The following MPDZ variants were observed in gnomAD, a reference collection of about 807,000 sequenced individuals.
The protein encoded by MPDZ is multiple PDZ domain protein.
In MPDZ, 234 loss-of-function variants were observed where a neutral mutation model predicts 239.1. That is an observed-to-expected ratio of 0.98 (90% CI 0.88 to 1.09). The LOEUF is 1.09. Among genes scored for constraint, MPDZ ranks in the 50% least tolerant of loss-of-function variants. The pLI is 0.00. For missense variants in MPDZ, 3,175 were observed against 2,510.0 expected, an observed-to-expected ratio of 1.26 and a Z score of -5.66; for synonymous variants, 1,048 against 881.3, an observed-to-expected ratio of 1.19 and a Z score of -3.35.
In MPDZ at chr9:13,247,766, G is replaced by C; in HGVS notation, c.52C>G (p.Gln18Glu). 3 of 1,612,494 alleles carry C rather than the reference G, an allele frequency of 1.9e-6. No individual in the cohort carries two copies. Among genetic ancestry groups the C allele is most frequent in the Non-Finnish European group, 1.7e-6 (2 of 1,178,748 alleles). ...TCCCCACGTTCTCGCAGCTTGGTTT[G>C]CAAGCGCTCTGCTGCATGCAGGGCC... Reference protein sequence around the residue: ...NRALHAAERLQTKLRERGDVA... With the variant: ...NRALHAAERLETKLRERGDVA... The change falls in exon 3 of 47, where the codon CAA (glutamine) becomes GAA (glutamate). Residue 18 changes from glutamine to glutamate, a missense_variant. Transcript: ENST00000319217.
chr9:13,258,659 T>G (rs577158047), intron 1 of MPDZ, among the ~76,000 whole-genome samples: 7 of 152,202 alleles, frequency 4.6e-5, no homozygotes, highest in Non-Finnish European at 1.0e-4. Context: ...CACCAAATCA[T>G]GTAGTCATCC....
chr9:13,256,506 T>C (rs1211584764), intron 1 of MPDZ, among the ~76,000 whole-genome samples: 1 of 152,196 alleles, frequency 6.6e-6, no homozygotes, highest in East Asian at 1.9e-4. Flanking sequence ...CAACTCTTCC[T>C]TTCACTTAAA....
At chr9:13,258,871 C>T (rs1275332290) in intron 1 of MPDZ, among the ~76,000 whole-genome samples, 1 of 152,090 alleles carries the variant, frequency 6.6e-6, no homozygotes, top group Non-Finnish European at 1.5e-5. Context: ...TATTAAAGAA[C>T]ATTAACTTCA....
Position 13,147,678 on chromosome 9 carries a change from C to G in MPDZ, c.3631-20G>C. On this transcript the variant is annotated intron_variant, in intron 25 of 46. Transcript: ENST00000319217. ...ATCCACCTGCAATGGAAGGCCTCAG[C>G]TTAACATTTCAAGAATCTATAGAAC... 1 of 1,574,838 alleles carries G rather than the reference C, an allele frequency of 6.3e-7. No individual in the cohort carries two copies. Among genetic ancestry groups the G allele is most frequent in the Non-Finnish European group, 8.7e-7 (1 of 1,146,058 alleles).
intron 17 of MPDZ, among the ~76,000 whole-genome samples, chr9:13,188,484 C>T (rs1954443569): frequency 6.6e-6 from 1 of 152,084 alleles, no homozygotes; most frequent in South Asian, 2.1e-4. Context: ...CGCCACTGCA[C>T]TCCAGCCTGA....
intron 11 of MPDZ, 147 bp downstream of exon 11, chr9:13,205,769 C>T (rs1005098249): frequency 7.4e-6 from 5 of 679,738 alleles, no homozygotes; most frequent in Non-Finnish European, 1.1e-5. Flanking sequence ...CACTTCTTTA[C>T]TCGCCTTGGT....
intron 19 of MPDZ, among the ~76,000 whole-genome samples, chr9:13,177,973 T>C (rs1016951113): frequency 2.6e-5 from 4 of 152,164 alleles, no homozygotes; most frequent in African/African-American, 9.7e-5. Context: ...TATGCACACT[T>C]AAAATGCTGG....
intron 12 of MPDZ, among the ~76,000 whole-genome samples, chr9:13,201,665 C>T (rs933805876): frequency 1.3e-5 from 2 of 151,968 alleles, no homozygotes; most frequent in Admixed American, 6.6e-5. Flanking sequence ...GGTCTATCTC[C>T]AAGCTCACTA....
chr9:13,201,796 A>T (rs1025901818), intron 12 of MPDZ, among the ~76,000 whole-genome samples: 1 of 152,108 alleles, frequency 6.6e-6, no homozygotes, highest in Non-Finnish European at 1.5e-5. Flanking sequence ...TAAAAGATAC[A>T]AAGATAAAAA....
At chr9:13,116,962 A>ATATG (rs1301261719) in intron 39 of MPDZ, among the ~76,000 whole-genome samples, 1 of 152,114 alleles carries the variant, frequency 6.6e-6, no homozygotes, top group Non-Finnish European at 1.5e-5. Flanking sequence ...ATAGGGGGGA[A>ATATG]TATGTTCTAA....
intron 3 of MPDZ, among the ~76,000 whole-genome samples, chr9:13,244,667 C>G (rs555845233): frequency 6.6e-6 from 1 of 152,262 alleles, no homozygotes; most frequent in South Asian, 2.1e-4. Context: ...ACACACCTGT[C>G]AAGTGTTTAA....
chr9:13,122,326 T>TAAC (rs1441168359), intron 36 of MPDZ, among the ~76,000 whole-genome samples, 156 bp from the exon 37 acceptor site: 1 of 152,132 alleles, frequency 6.6e-6, no homozygotes, highest in Non-Finnish European at 1.5e-5. Flanking sequence ...AGGGAAAGTG[T>TAAC]AACAACAATT....
intron 19 of MPDZ, among the ~76,000 whole-genome samples, chr9:13,181,212 G>T (rs1479858361): frequency 6.6e-6 from 1 of 152,056 alleles, no homozygotes; most frequent in Non-Finnish European, 1.5e-5. Flanking sequence ...CAAGATAGAG[G>T]CATCTTTGTT....
chr9:13,196,307 T>C, intron 12 of MPDZ, 77 bp from the exon 13 acceptor site: 3 of 1,007,390 alleles, frequency 3.0e-6, no homozygotes, highest in Non-Finnish European at 4.5e-6. Flanking sequence ...CCAAGGATTC[T>C]CTGATCAGAA....
chr9:13,245,184 C>T (rs1381482430), intron 3 of MPDZ, among the ~76,000 whole-genome samples: 1 of 151,616 alleles, frequency 6.6e-6, no homozygotes, highest in African/African-American at 2.4e-5. Flanking sequence ...AAATTTAAAT[C>T]TGACATGACA....
intron 44 of MPDZ, 64 bp downstream of exon 44, chr9:13,110,572 C>A (rs1345470487): frequency 1.8e-6 from 2 of 1,089,144 alleles, no homozygotes; most frequent in Admixed American, 3.8e-5. Context: ...ACTGCTTTAA[C>A]ATCAAAGCTC....
At position 13,193,185 on chromosome 9, in the gene MPDZ, A is replaced by G. The variant is rs2135120819; in HGVS notation, c.1785T>C (p.Ser595=). ...GPVGHSGKLF[S]GDELLEVNGI... ...TCCTTACTTCCAATAGCTCGTCTCCACTGAAGAGCTTCCCGCTGTGTCCAA... is the reference window on the plus strand; with the variant it reads ...TCCTTACTTCCAATAGCTCGTCTCCGCTGAAGAGCTTCCCGCTGTGTCCAA... Residue 595 remains serine (S), a synonymous_variant, in exon 14 of 47, where the codon AGT becomes AGC. Coordinates refer to ENST00000319217, the MANE Select transcript of MPDZ (RefSeq NM_001378778.1). 1 of 1,592,392 alleles carries G rather than the reference A, an allele frequency of 6.3e-7. No homozygotes were observed. Among genetic ancestry groups the G allele is most frequent in the Non-Finnish European group, 8.6e-7 (1 of 1,167,874 alleles).
chr9:13,210,787 C>T (rs910255632), intron 10 of MPDZ, among the ~76,000 whole-genome samples: 1 of 152,024 alleles, frequency 6.6e-6, no homozygotes, highest in Non-Finnish European at 1.5e-5. Context: ...GAGTCAGCTA[C>T]GTTAAAAATC....
chr9:13,176,151 G>C lies in MPDZ; in HGVS notation c.2916C>G (p.Pro972=). ...AAAATATTACCTTTCCAGCTGAATC[G>C]GGTAGCACAGAAGGAAGTTCTGCAC... ...ISSAELPSVL[P]DSAGKGSEYL... Residue 972 remains proline, a synonymous_variant, in exon 20 of 47, where the codon CCC becomes CCG. Transcript: ENST00000319217. 1 of 1,598,146 alleles carries C rather than the reference G, an allele frequency of 6.3e-7. No individual in the cohort carries two copies. The highest frequency in any genetic ancestry group is 8.5e-7 in the Non-Finnish European group (1 of 1,171,180).
Sources: allele counts gnomAD v4.1 joint callset (sites outside exome capture counted in the v4.1 genomes callset), GRCh38; gene constraint gnomAD v4.1.1; transcripts MANE v1.5; gene names NCBI Gene and HGNC (gene_info 2026-07-23, HGNC 2026-07-21).